Variants in DNAAF5 observed in about 807,000 individuals in gnomAD.
The protein encoded by DNAAF5 is dynein axonemal assembly factor 5.
A neutral mutation model predicts 75.8 loss-of-function variants in DNAAF5; 64 were observed. That is an observed-to-expected ratio of 0.84 (90% CI 0.69 to 1.04). The LOEUF is 1.04. Ranked by LOEUF, DNAAF5 falls within the 50% of genes least tolerant of loss-of-function variation. DNAAF5 has a pLI of 0.00. For synonymous variants in DNAAF5, 657 were observed against 557.2 expected (o/e 1.18, Z -2.52); for missense variants, 1,269 against 1,178.5 (o/e 1.08, Z -1.12).
chr7:770,723 T>A (rs1778533775), intron 9 of DNAAF5, 105 bp downstream of exon 9: 1 of 1,089,362 alleles, frequency 9.2e-7, no homozygotes, highest in Non-Finnish European at 1.3e-6. Context: ...CCCACCTCCT[T>A]CCCCAACACT....
Position 785,762 on chromosome 7 carries a change from G to T in DNAAF5, c.*109G>T, listed in dbSNP as rs1779126631. The stretch of plus-strand genomic sequence containing the variant: ...CTGTGCCAGCAGTGAGACTGTGACA[G>T]CAAGAATGTACTCCTCAGGACACCT... On this transcript the variant is annotated 3_prime_UTR_variant, in exon 13 of 13. Coordinates refer to ENST00000297440, the MANE Select transcript of DNAAF5 (RefSeq NM_017802.4). 3.1e-6 allele frequency: 4 copies of T among 1,311,144 alleles called. No individual in the cohort carries two copies. The East Asian group carries it at 9.9e-5, about 32-fold the overall frequency. 81.2% of individuals were successfully genotyped at this position (1,311,144 alleles called of 1,614,324 possible).
chr7:780,173 C>G, intron 12 of DNAAF5, 29 bp downstream of exon 12: 3 of 1,599,604 alleles, frequency 1.9e-6, no homozygotes, highest in Non-Finnish European at 2.6e-6. Flanking sequence ...GGCCTTCGTT[C>G]CGATGCCTGC....
rs1403942482 is a variant in DNAAF5 at position 756,656 on chromosome 7, C to CA, written c.1258-125dup. Reference sequence around the variant, plus strand: ...GGGCTCTGAGCATGTGCCAAGGACTCACTCTGCCTAACACGGGGCTCTGTC... The same window carrying CA: ...GGGCTCTGAGCATGTGCCAAGGACTCAACTCTGCCTAACACGGGGCTCTGTC... On this transcript the variant is annotated intron_variant, in intron 5 of 12. Coordinates refer to ENST00000297440, the MANE Select transcript of DNAAF5 (RefSeq NM_017802.4). 1.7e-5 allele frequency: 14 copies of CA among 809,678 alleles called. No homozygotes were observed. In the East Asian group the frequency reaches 3.4e-4, roughly 20 times the overall value. The allele number at this position is 809,678 out of a possible 1,614,324, so 50.2% of individuals were successfully genotyped here. A position where few individuals can be genotyped will look rare whatever the true frequency, so the allele number is the denominator to read the frequency against.
chr7:751,798 T>G (rs141315076), intron 4 of DNAAF5, among the ~76,000 whole-genome samples: 2 of 152,222 alleles, frequency 1.3e-5, no homozygotes, highest in Non-Finnish European at 2.9e-5. Context: ...GGTCTTGAAC[T>G]CCTGACCTCA....
At chr7:746,971 C>T (rs1782135412) in intron 4 of DNAAF5, among the ~76,000 whole-genome samples, 1 of 152,236 alleles carries the variant, frequency 6.6e-6, no homozygotes, top group Admixed American at 6.5e-5. Context: ...CCTGTGTCTG[C>T]AGCACTTTCC....
intron 11 of DNAAF5, 35 bp downstream of exon 11, chr7:775,197 T>C: frequency 6.2e-7 from 1 of 1,602,906 alleles, no homozygotes. Flanking sequence ...CCTGTGTATA[T>C]GCAGTCAGCC....
intron 4 of DNAAF5, 25 bp downstream of exon 4, chr7:741,490 C>G: frequency 1.5e-6 from 2 of 1,314,592 alleles, no homozygotes; most frequent in Admixed American, 4.1e-5. Flanking sequence ...CAGAGGGGAG[C>G]GCCAGGAGGC....
In DNAAF5 at chr7:726,950, TG is replaced by T; in HGVS notation, c.231del (p.Leu78CysfsTer8). 1 of 1,331,352 alleles carries T rather than the reference TG, an allele frequency of 7.5e-7. No homozygotes were observed. The highest frequency in any genetic ancestry group is 9.6e-7 in the Non-Finnish European group (1 of 1,036,808). 82.5% of individuals were successfully genotyped at this position (1,331,352 alleles called of 1,614,324 possible). A position where few individuals can be genotyped will look rare whatever the true frequency, so the allele number is the denominator to read the frequency against. ...TTCCAGGGCCCCTGGGCGCGCCTAC[TG>T]CTGCCGCGCTTGCTGCGCTGCCTGA... Reference protein sequence around the residue: ...TAFQGPWARLLLPRLLRCLSD... With the variant: ...TAFQGPWARLXLPRLLRCLSD... On this transcript the variant is annotated frameshift_variant, in exon 1 of 13. Transcript: ENST00000297440. LOFTEE classifies it high-confidence loss of function.
chr7:730,759 G>A (rs1234208972), intron 2 of DNAAF5, among the ~76,000 whole-genome samples: 1 of 152,120 alleles, frequency 6.6e-6, no homozygotes, highest in Non-Finnish European at 1.5e-5. Flanking sequence ...GCTGCCTAGG[G>A]GCTGTGCGCA....
chr7:732,121 C>T (rs1325927676), intron 2 of DNAAF5, among the ~76,000 whole-genome samples: 1 of 152,242 alleles, frequency 6.6e-6, no homozygotes, highest in Non-Finnish European at 1.5e-5. Flanking sequence ...TCAGGTAGCA[C>T]AGCCAGGTGA....
intron 4 of DNAAF5, among the ~76,000 whole-genome samples, chr7:747,753 G>T (rs1455262031): frequency 4.0e-5 from 1 of 24,848 alleles, no homozygotes; most frequent in East Asian, 9.4e-4. Context: ...GTGTGCAGTG[G>T]TGGCCCACGG....
In DNAAF5 at chr7:754,864, G is replaced by A. The variant is rs1284346054; in HGVS notation, c.1257+43G>A. 8 of 1,425,128 alleles carry A rather than the reference G, an allele frequency of 5.6e-6. 1 individual carries two copies. The highest frequency in any genetic ancestry group is 1.4e-5 in the African/African-American group (1 of 71,166). 88.3% of individuals were successfully genotyped at this position (1,425,128 alleles called of 1,614,324 possible). ...AGTCGTGGTCGCGGAGCTGTAACTC[G>A]AGCTTAAGATCCCGCCTCTGTGGTG... is the stretch of plus-strand genomic sequence containing the variant. On this transcript the variant is annotated intron_variant, in intron 5 of 12. Coordinates refer to ENST00000297440, the MANE Select transcript of DNAAF5 (RefSeq NM_017802.4). The surrounding 1 kb of genome is among the most constrained non-coding windows in gnomAD (Gnocchi z 4.8).
chr7:754,563 A>T lies in DNAAF5; in HGVS notation c.1025-26A>T, dbSNP rs1224664874. On this transcript the variant is annotated intron_variant, in intron 4 of 12. Coordinates refer to ENST00000297440, the MANE Select transcript of DNAAF5 (RefSeq NM_017802.4). The surrounding 1 kb of genome is among the most constrained non-coding windows in gnomAD (Gnocchi z 4.8). Reference sequence around the variant, plus strand: ...TTGAGGTTTTGCTTGTGAATTTCTCATTCTTCTTTCCCTTTTTCGTTCCAG... The same window carrying T: ...TTGAGGTTTTGCTTGTGAATTTCTCTTTCTTCTTTCCCTTTTTCGTTCCAG... 5 of 1,591,328 alleles carry T rather than the reference A, an allele frequency of 3.1e-6. No homozygotes were observed. In the South Asian group the frequency reaches 4.4e-5, roughly 14 times the overall value.
chr7:734,954 T>C (rs1781689721), intron 2 of DNAAF5, among the ~76,000 whole-genome samples: 1 of 151,890 alleles, frequency 6.6e-6, no homozygotes, highest in South Asian at 2.1e-4. Flanking sequence ...TTGCTCATAG[T>C]GTTGTTCTTC....
intron 11 of DNAAF5, 145 bp downstream of exon 11, chr7:775,307 A>G: frequency 2.6e-6 from 2 of 755,414 alleles, no homozygotes; most frequent in South Asian, 3.4e-5. Flanking sequence ...TAATTCCAGC[A>G]CTTTAGGCAG....
Position 727,006 on chromosome 7 carries a change from G to A in DNAAF5, c.286G>A (p.Ala96Thr). ...SDPAEGCRAL[A>T]VHLLDLGLRR... ...CCCCGCCGAGGGCTGCCGCGCGCTGGCAGTGCACCTGCTGGATCTGGGCCT... is the reference window on the plus strand; with the variant it reads ...CCCCGCCGAGGGCTGCCGCGCGCTGACAGTGCACCTGCTGGATCTGGGCCT... The change falls in exon 1 of 13, where the codon GCA becomes ACA. Residue 96 changes from alanine to threonine, a missense_variant. Physicochemically the swap from Ala to Thr is moderately conservative, Grantham distance 58. Transcript: ENST00000297440. 1 of 1,241,008 alleles carries A rather than the reference G, an allele frequency of 8.1e-7. No homozygotes were observed. Among genetic ancestry groups the A allele is most frequent in the Non-Finnish European group, 1.0e-6 (1 of 987,848 alleles). The allele number at this position is 1,241,008 out of a possible 1,614,324, so 76.9% of individuals were successfully genotyped here. A position where few individuals can be genotyped will look rare whatever the true frequency, so the allele number is the denominator to read the frequency against.
At chr7:776,392 T>C (rs1267436680) in intron 11 of DNAAF5, among the ~76,000 whole-genome samples, 1 of 151,770 alleles carries the variant, frequency 6.6e-6, no homozygotes, top group Non-Finnish European at 1.5e-5. Flanking sequence ...GTTGGTACTA[T>C]GAGAACAAAC....
In DNAAF5 at chr7:727,034, G is replaced by A; in HGVS notation, c.314G>A (p.Arg105His). The A allele has an allele frequency of 4.4e-6, 5 of 1,131,018 alleles. No individual in the cohort carries two copies. The highest frequency in any genetic ancestry group is 5.4e-6 in the Non-Finnish European group (5 of 924,422). The allele number at this position is 1,131,018 out of a possible 1,614,324, so 70.1% of individuals were successfully genotyped here. A position where few individuals can be genotyped will look rare whatever the true frequency, so the allele number is the denominator to read the frequency against. The change falls in exon 1 of 13, where the codon CGC (arginine) becomes CAC (histidine). Residue 105 changes from arginine to histidine, a missense_variant. By Grantham distance (29) the Arg-to-His change is conservative. Transcript: ENST00000297440. Reference sequence around the variant, plus strand: ...GTGCACCTGCTGGATCTGGGCCTGCGCCGCGCCGCGCGGCCCCGCGATGCC... The same window carrying A: ...GTGCACCTGCTGGATCTGGGCCTGCACCGCGCCGCGCGGCCCCGCGATGCC... ...LAVHLLDLGL[R>H]RAARPRDALP...
intron 4 of DNAAF5, among the ~76,000 whole-genome samples, chr7:744,924 T>G (rs1782033507): frequency 6.6e-6 from 1 of 152,146 alleles, no homozygotes; most frequent in Admixed American, 6.5e-5. Context: ...TTTTAAAATG[T>G]GGAACTTAGA....
Sources: allele counts gnomAD v4.1 joint callset (sites outside exome capture counted in the v4.1 genomes callset), GRCh38; gene constraint gnomAD v4.1.1; non-coding constraint Gnocchi (gnomAD v3.1); transcripts MANE v1.5; gene names NCBI Gene and HGNC (gene_info 2026-07-23, HGNC 2026-07-21).